Variants in OVOL2 observed in about 807,000 individuals in gnomAD.
OVOL2 encodes transcription factor Ovo-like 2.
Under a neutral mutation model 18.1 loss-of-function variants are expected in OVOL2, and 13 were observed. The ratio of observed to expected loss-of-function variants is 0.72; its 90% confidence interval spans 0.47 to 1.14. OVOL2 has a LOEUF of 1.14. OVOL2 is among the 50% of genes most tolerant of loss of function. The pLI is 0.00. For missense variants in OVOL2, 335 were observed against 383.0 expected (o/e 0.87, Z 1.05); for synonymous variants, 166 against 162.7 (o/e 1.02, Z -0.16).
chr20:18,036,441 G>T (rs1000765452), intron 3 of OVOL2, among the ~76,000 whole-genome samples: 2 of 152,152 alleles, frequency 1.3e-5, no homozygotes, highest in African/African-American at 4.8e-5. Context: ...ACAGCCAGTG[G>T]CCGCCGGACC....
chr20:18,055,130 G>A (rs975878401), intron 2 of OVOL2, among the ~76,000 whole-genome samples: 11 of 152,054 alleles, frequency 7.2e-5, no homozygotes, highest in Non-Finnish European at 4.4e-5. Flanking sequence ...TAGGAAATAA[G>A]ATTGGTTTAC....
intron 3 of OVOL2, among the ~76,000 whole-genome samples, chr20:18,027,020 G>C (rs1275448180): frequency 6.6e-6 from 1 of 152,050 alleles, no homozygotes; most frequent in Non-Finnish European, 1.5e-5. Context: ...CTGGGTGACG[G>C]GATCATCTGG....
intron 2 of OVOL2, among the ~76,000 whole-genome samples, chr20:18,053,533 T>C (rs879722355): frequency 6.6e-6 from 1 of 152,196 alleles, no homozygotes; most frequent in Admixed American, 6.5e-5. Flanking sequence ...AAACTTCGTC[T>C]CTATTAAAAA....
Position 18,057,869 on chromosome 20 carries a change from CGG to C in OVOL2, c.-237_-236del. 1 of 1,336,684 alleles carries C rather than the reference CGG, an allele frequency of 7.5e-7. No individual in the cohort carries two copies. The highest frequency in any genetic ancestry group is 9.5e-7 in the Non-Finnish European group (1 of 1,050,220). 82.8% of individuals were successfully genotyped at this position (1,336,684 alleles called of 1,614,324 possible). On this transcript the variant is annotated 5_prime_UTR_variant, in exon 1 of 4. An upstream open reading frame in the 5' UTR gains an earlier in-frame stop. Coordinates refer to ENST00000278780, the MANE Select transcript of OVOL2 (RefSeq NM_021220.4). This position sits in a 1 kb window ranked among gnomAD's most constrained non-coding sequence, Gnocchi z 6.3. ...CCTTAAATCGCGAGTGAGACCACGCCGGGGAAAAAGTTTCATAAGGTGGAATA... is the reference window on the plus strand; with the variant it reads ...CCTTAAATCGCGAGTGAGACCACGCCGGAAAAAGTTTCATAAGGTGGAATA...
chr20:18,039,842 C>A (rs1428898639), intron 3 of OVOL2, among the ~76,000 whole-genome samples: 1 of 152,022 alleles, frequency 6.6e-6, no homozygotes, highest in African/African-American at 2.4e-5. Context: ...GCTGGGAGCC[C>A]CATCTGGAGG....
At chr20:18,028,423 T>TGAGAG (rs2036539014) in intron 3 of OVOL2, among the ~76,000 whole-genome samples, 1 of 148,676 alleles carries the variant, frequency 6.7e-6, no homozygotes, top group African/African-American at 2.5e-5. Context: ...GTGATCCACC[T>TGAGAG]GCCTTGGCCT....
chr20:18,038,969 C>T (rs2036644885), intron 3 of OVOL2, among the ~76,000 whole-genome samples: 1 of 152,100 alleles, frequency 6.6e-6, no homozygotes, highest in Non-Finnish European at 1.5e-5. Flanking sequence ...CTCACCCCCA[C>T]CCAATGGCCA....
intron 3 of OVOL2, among the ~76,000 whole-genome samples, chr20:18,028,621 C>T (rs926938892): frequency 5.9e-5 from 9 of 152,060 alleles, no homozygotes; most frequent in South Asian, 4.2e-4. Flanking sequence ...AGTGAAACCC[C>T]GTCTCTAGTA....
At chr20:18,048,401 A>T (rs2036743195) in intron 2 of OVOL2, among the ~76,000 whole-genome samples, 1 of 152,188 alleles carries the variant, frequency 6.6e-6, no homozygotes, top group African/African-American at 2.4e-5. Flanking sequence ...ACTAGCTCCC[A>T]GTCCTTCATC....
intron 2 of OVOL2, among the ~76,000 whole-genome samples, chr20:18,050,977 A>T (rs2036766740): frequency 6.6e-6 from 1 of 152,228 alleles, no homozygotes; most frequent in Admixed American, 6.5e-5. Context: ...ACAAAAAAAC[A>T]AGAGGAAAGG....
At chr20:18,045,728 C>T (rs1181416517) in intron 2 of OVOL2, among the ~76,000 whole-genome samples, 1 of 152,152 alleles carries the variant, frequency 6.6e-6, no homozygotes, top group African/African-American at 2.4e-5. Flanking sequence ...ATCCTCCTGC[C>T]TCAGCCTCCC....
rs372784402 is a variant in OVOL2 at position 18,024,917 on chromosome 20, C to T, written c.547G>A (p.Ala183Thr). The change falls in exon 4 of 4, where the codon GCC (alanine) becomes ACC (threonine). Residue 183 changes from alanine to threonine, a missense_variant. Transcript: ENST00000278780. ...RPYKCNVCNK[A>T]FTQRCSLESH... ...TCCAGAGAGCAGCGCTGGGTGAAGG[C>T]TTTATTGCAGACGTTGCATTTGTAG... is the stretch of plus-strand genomic sequence containing the variant. 7.4e-6 allele frequency: 12 copies of T among 1,613,324 alleles called. No homozygotes were observed. Among genetic ancestry groups the T allele is most frequent in the African/African-American group, 1.3e-5 (1 of 74,884 alleles).
chr20:18,026,096 G>C (rs1330926546), intron 3 of OVOL2, among the ~76,000 whole-genome samples: 1 of 152,244 alleles, frequency 6.6e-6, no homozygotes, highest in Non-Finnish European at 1.5e-5. Context: ...CTGCCTTCTA[G>C]CTGAGATATC....
At chr20:18,042,054 G>A (rs1332818194) in intron 2 of OVOL2, among the ~76,000 whole-genome samples, 1 of 151,776 alleles carries the variant, frequency 6.6e-6, no homozygotes, top group Admixed American at 6.6e-5. Context: ...GGGACTACAG[G>A]GGCACATACA....
intron 3 of OVOL2, among the ~76,000 whole-genome samples, chr20:18,032,663 T>C (rs887731298): frequency 1.3e-5 from 2 of 151,224 alleles, no homozygotes; most frequent in African/African-American, 2.4e-5. Context: ...CCAGCCACCA[T>C]GCCCAGCTAA....
At chr20:18,048,872 A>G (rs1036975376) in intron 2 of OVOL2, among the ~76,000 whole-genome samples, 1 of 152,218 alleles carries the variant, frequency 6.6e-6, no homozygotes, top group Non-Finnish European at 1.5e-5. Context: ...GAAATTATTA[A>G]TATATTTAAT....
At chr20:18,046,024 T>G (rs1481921552) in intron 2 of OVOL2, among the ~76,000 whole-genome samples, 1 of 152,116 alleles carries the variant, frequency 6.6e-6, no homozygotes, top group Admixed American at 6.5e-5. Flanking sequence ...ATCCATTAAG[T>G]GCTGCTTACC....
At chr20:18,049,552 C>CCA (rs759076494) in intron 2 of OVOL2, among the ~76,000 whole-genome samples, 1 of 79,668 alleles carries the variant, frequency 1.3e-5, no homozygotes, top group Non-Finnish European at 3.2e-5. Context: ...CATTCAGATT[C>CCA]CCCCCCCGAT....
intron 2 of OVOL2, among the ~76,000 whole-genome samples, chr20:18,046,975 G>A (rs1413877131): frequency 1.3e-5 from 2 of 151,952 alleles, no homozygotes; most frequent in Non-Finnish European, 2.9e-5. Context: ...CTGGCTAGGG[G>A]TGTGATATGG....
Sources: gnomAD v4.1 joint callset for allele counts (sites outside exome capture counted in the v4.1 genomes callset) on GRCh38, gnomAD v4.1.1 for gene constraint, Gnocchi (gnomAD v3.1) non-coding constraint, MANE v1.5 for transcripts, NCBI Gene and HGNC (gene_info 2026-07-23, HGNC 2026-07-21) for gene names.